ANKIB1: variants seen among roughly 807,000 people sequenced by gnomAD.
The protein encoded by ANKIB1 is ankyrin repeat and IBR domain-containing protein 1.
A neutral mutation model predicts 122.1 loss-of-function variants in ANKIB1; 43 were observed. That is an observed-to-expected ratio of 0.35 (90% CI 0.28 to 0.45). The LOEUF is 0.45. Ranked by LOEUF, ANKIB1 falls within the 20% of genes least tolerant of loss-of-function variation. The pLI is 1.00. For synonymous variants in ANKIB1, 390 were observed against 442.0 expected (o/e 0.88, Z 1.48); for missense variants, 992 against 1,329.5 (o/e 0.75, Z 3.95).
At chr7:92,249,671 G>C (rs937200230) in intron 1 of ANKIB1, among the ~76,000 whole-genome samples, 4 of 151,770 alleles carry the variant, frequency 2.6e-5, no homozygotes, top group African/African-American at 9.7e-5. Flanking sequence ...AGTGAGCTGA[G>C]ATCGCACCAT....
At chr7:92,323,584 A>G (rs752852339) in intron 4 of ANKIB1, among the ~76,000 whole-genome samples, 3 of 152,120 alleles carry the variant, frequency 2.0e-5, no homozygotes, top group Non-Finnish European at 4.4e-5. Flanking sequence ...TGTTTTGTCT[A>G]CTATTTTCAC....
In ANKIB1 at chr7:92,382,035, G is replaced by C. The variant is rs1804527784; in HGVS notation, c.1618-4474G>C. 2.0e-5 allele frequency among the ~76,000 whole-genome samples: 3 copies of C among 151,886 alleles called. No individual in the cohort carries two copies. The South Asian group carries it at 6.2e-4, about 32-fold the overall frequency. ...AGACATACATAGGCTCAAAATAAAGGGATGGAGAAAGATCTACCAAGCAAA... is the reference window on the plus strand; with the variant it reads ...AGACATACATAGGCTCAAAATAAAGCGATGGAGAAAGATCTACCAAGCAAA... On this transcript the variant is annotated intron_variant, in intron 11 of 19. Transcript: ENST00000265742.
At chr7:92,376,264 A>G (rs1161814059) in intron 11 of ANKIB1, among the ~76,000 whole-genome samples, 2 of 152,134 alleles carry the variant, frequency 1.3e-5, no homozygotes, top group Admixed American at 1.3e-4. Context: ...CCAGACATTG[A>G]CTTTTCTGTA....
intron 17 of ANKIB1, among the ~76,000 whole-genome samples, chr7:92,394,920 T>G (rs1379272570): frequency 6.6e-6 from 1 of 152,250 alleles, no homozygotes; most frequent in Non-Finnish European, 1.5e-5. Flanking sequence ...AGTGGTATGA[T>G]GTGAAAGTTT....
intron 12 of ANKIB1, among the ~76,000 whole-genome samples, 197 bp downstream of exon 12, chr7:92,386,840 G>A (rs1804663918): frequency 6.6e-6 from 1 of 151,468 alleles, no homozygotes; most frequent in Non-Finnish European, 1.5e-5. Context: ...TTTAATTTTG[G>A]TGGAGATCTG....
intron 5 of ANKIB1, among the ~76,000 whole-genome samples, chr7:92,331,103 C>T (rs1271218492): frequency 1.3e-5 from 2 of 152,016 alleles, no homozygotes; most frequent in South Asian, 2.1e-4. Context: ...CATAGTTGTA[C>T]TGGTTAGGGT....
intron 3 of ANKIB1, among the ~76,000 whole-genome samples, chr7:92,310,205 T>C (rs912547950): frequency 6.6e-5 from 10 of 151,952 alleles, no homozygotes; most frequent in Non-Finnish European, 1.5e-4. Context: ...TGTGTGTGTG[T>C]GCTTTAACTG....
chr7:92,307,483 C>A lies in ANKIB1; in HGVS notation c.313C>A (p.Arg105Ser). The change falls in exon 3 of 20, where the codon CGC becomes AGC. Residue 105 changes from arginine to serine, a missense_variant. By Grantham distance (110) the Arg-to-Ser change is moderately radical. Transcript: ENST00000265742. ...SEGALHPRLA[R>S]PTEDDFRRAD... is the part of the protein sequence containing the mutation. ...AGGAGCCCTTCATCCTCGCTTGGCACGCCCCACAGAAGATGATTTCAGAAG... is the reference window on the plus strand; with the variant it reads ...AGGAGCCCTTCATCCTCGCTTGGCAAGCCCCACAGAAGATGATTTCAGAAG... The A allele has an allele frequency of 6.2e-7, 1 of 1,613,868 alleles. No homozygotes were observed. Among genetic ancestry groups the A allele is most frequent in the Non-Finnish European group, 8.5e-7 (1 of 1,179,882 alleles).
rs1216848486 is a variant in ANKIB1, at chr7:92,365,282, T to A, written c.1486+3009T>A. 6.6e-5 allele frequency among the ~76,000 whole-genome samples: 10 copies of A among 152,264 alleles called. 1 individual carries two copies. In the South Asian group the frequency reaches 1.7e-3, roughly 25 times the overall value. ...AAGGACAAAGAAAGAGGAGGCCAAT[T>A]ATCTATGGGAGAGGGTTAGGAAACA... On this transcript the variant is annotated intron_variant, in intron 10 of 19. Coordinates refer to ENST00000265742, the MANE Select transcript of ANKIB1 (RefSeq NM_019004.2).
chr7:92,308,675 C>T (rs886463677), intron 3 of ANKIB1, among the ~76,000 whole-genome samples: 2 of 151,896 alleles, frequency 1.3e-5, no homozygotes, highest in Non-Finnish European at 2.9e-5. Flanking sequence ...TAGATAAAAT[C>T]ACGCATATAA....
intron 5 of ANKIB1, among the ~76,000 whole-genome samples, chr7:92,340,644 A>T (rs531760349): frequency 6.6e-6 from 1 of 152,348 alleles, no homozygotes; most frequent in East Asian, 1.9e-4. Flanking sequence ...AGAGATAGAC[A>T]TATTAAAGTA....
At chr7:92,322,175 T>TA (rs1585106477) in intron 4 of ANKIB1, among the ~76,000 whole-genome samples, 1 of 152,322 alleles carries the variant, frequency 6.6e-6, no homozygotes, top group East Asian at 1.9e-4. Context: ...ATTTAAGCAG[T>TA]AATATTCCAG....
chr7:92,362,139 A>G, intron 9 of ANKIB1, 46 bp from the exon 10 acceptor site: 1 of 1,524,116 alleles, frequency 6.6e-7, no homozygotes, highest in Non-Finnish European at 8.9e-7. Context: ...CTTGATGTTG[A>G]TGAAGAATAT....
intron 5 of ANKIB1, among the ~76,000 whole-genome samples, chr7:92,341,074 GT>G: frequency 6.6e-6 from 1 of 152,292 alleles, no homozygotes; most frequent in African/African-American, 2.4e-5. Context: ...TGAGGCCGAG[GT>G]GGGCAGATCA....
At chr7:92,328,096 A>G (rs1423974955) in intron 5 of ANKIB1, among the ~76,000 whole-genome samples, 196 bp downstream of exon 5, 2 of 152,216 alleles carry the variant, frequency 1.3e-5, no homozygotes, top group Admixed American at 1.3e-4. Context: ...AAATTGGCAT[A>G]TATCTAAGAG....
intron 3 of ANKIB1, among the ~76,000 whole-genome samples, chr7:92,311,061 T>C (rs1048298447): frequency 1.4e-4 from 21 of 152,238 alleles, no homozygotes; most frequent in African/African-American, 4.8e-4. Context: ...ATATTTTTTT[T>C]CTAAACATTT....
In ANKIB1 at chr7:92,388,730, G is replaced by T. The variant is rs749412029; in HGVS notation, c.1906+689G>T. Among the ~76,000 whole-genome samples, 7 of 152,158 alleles carry T rather than the reference G, an allele frequency of 4.6e-5. No individual in the cohort carries two copies. In the South Asian group the frequency reaches 1.5e-3, roughly 32 times the overall value. Reference sequence around the variant, plus strand: ...AAAAGTACATTTTAAGGTGAAAAATGTGATGTTATACTTGGGTTGCTCCAG... The same window carrying T: ...AAAAGTACATTTTAAGGTGAAAAATTTGATGTTATACTTGGGTTGCTCCAG... On this transcript the variant is annotated intron_variant, in intron 14 of 19. Coordinates refer to ENST00000265742, the MANE Select transcript of ANKIB1 (RefSeq NM_019004.2).
chr7:92,349,814 G>C (rs1803618736), intron 7 of ANKIB1, among the ~76,000 whole-genome samples: 1 of 152,088 alleles, frequency 6.6e-6, no homozygotes, highest in Non-Finnish European at 1.5e-5. Context: ...GCTTAGAGCA[G>C]TTAAATAAAT....
At position 92,307,483 on chromosome 7, in the gene ANKIB1, C is replaced by T. The variant is rs773827836; in HGVS notation, c.313C>T (p.Arg105Cys). 17 of 1,613,750 alleles carry T rather than the reference C, an allele frequency of 1.1e-5. No individual in the cohort carries two copies. The highest frequency in any genetic ancestry group is 1.6e-4 in the Middle Eastern group (1 of 6,084). ...SEGALHPRLA[R>C]PTEDDFRRAD... ...AGGAGCCCTTCATCCTCGCTTGGCA[C>T]GCCCCACAGAAGATGATTTCAGAAG... The change falls in exon 3 of 20, where the codon CGC becomes TGC. Residue 105 changes from arginine (R) to cysteine (C), a missense_variant. Coordinates refer to ENST00000265742, the MANE Select transcript of ANKIB1 (RefSeq NM_019004.2).
Sources: allele counts gnomAD v4.1 joint callset (sites outside exome capture counted in the v4.1 genomes callset), GRCh38; gene constraint gnomAD v4.1.1; transcripts MANE v1.5; gene names NCBI Gene and HGNC (gene_info 2026-07-23, HGNC 2026-07-21).